Variants in SDK1 observed in about 807,000 individuals in gnomAD.
SDK1 encodes sidekick cell adhesion molecule 1.
SDK1 carries 157 observed loss-of-function variants against 245.5 expected under a neutral mutation model. The observed-to-expected ratio is 0.64, with a 90% CI of 0.56 to 0.73. The LOEUF (loss-of-function observed/expected upper bound fraction) is 0.73, where lower values mean the gene tolerates loss of function less well. Among genes scored for constraint, SDK1 ranks in the 30% least tolerant of loss-of-function variants. SDK1 has a pLI of 0.00. For missense variants in SDK1, 3,583 were observed against 3,002.3 expected, an observed-to-expected ratio of 1.19 and a Z score of -4.52; for synonymous variants, 1,647 against 1,278.5, an observed-to-expected ratio of 1.29 and a Z score of -6.15.
chr7:4,062,135 T>C (rs1039305388), intron 19 of SDK1, among the ~76,000 whole-genome samples: 1 of 151,822 alleles, frequency 6.6e-6, no homozygotes, highest in South Asian at 2.1e-4. Context: ...AGTATAATAA[T>C]AATAATAATA....
intron 4 of SDK1, among the ~76,000 whole-genome samples, chr7:3,766,737 A>C (rs940234621): frequency 6.6e-6 from 1 of 152,230 alleles, no homozygotes; most frequent in Non-Finnish European, 1.5e-5. Flanking sequence ...AGAAATAGGA[A>C]CAAATGATGA....
At chr7:4,032,961 A>G (rs980700378) in intron 17 of SDK1, among the ~76,000 whole-genome samples, 1 of 152,146 alleles carries the variant, frequency 6.6e-6, no homozygotes, top group African/African-American at 2.4e-5. Flanking sequence ...GAGCTAGAAA[A>G]GTTAATTTAA....
chr7:3,405,374 T>A (rs1475607702), intron 1 of SDK1, among the ~76,000 whole-genome samples: 2 of 152,066 alleles, frequency 1.3e-5, no homozygotes, highest in Admixed American at 6.6e-5. Context: ...GAGCACAGAT[T>A]TTAAACACTG....
intron 25 of SDK1, among the ~76,000 whole-genome samples, chr7:4,119,284 TAAA>T (rs1028726204): frequency 8.8e-5 from 13 of 147,316 alleles, no homozygotes; most frequent in African/African-American, 3.0e-4. Flanking sequence ...CTCTACAAAA[TAAA>T]AATAAAAACT....
chr7:3,575,622 A>C (rs567834496), intron 1 of SDK1, among the ~76,000 whole-genome samples: 3 of 152,156 alleles, frequency 2.0e-5, no homozygotes, highest in African/African-American at 7.2e-5. Context: ...AGAAACAATG[A>C]AATTTCATTA....
At chr7:3,478,507 TTAAAAA>T (rs1781413533) in intron 1 of SDK1, among the ~76,000 whole-genome samples, 1 of 152,026 alleles carries the variant, frequency 6.6e-6, no homozygotes, top group Admixed American at 6.5e-5. Flanking sequence ...ATATTCAACT[TTAAAAA>T]TAACTTTATT....
intron 29 of SDK1, 118 bp from the exon 30 acceptor site, chr7:4,149,144 A>C: frequency 2.9e-6 from 2 of 681,358 alleles, no homozygotes; most frequent in South Asian, 3.2e-5. Context: ...TGTCCAAGGC[A>C]TGCAGGCAGC....
chr7:3,349,212 C>G (rs921610443), intron 1 of SDK1, among the ~76,000 whole-genome samples: 3 of 151,748 alleles, frequency 2.0e-5, no homozygotes, highest in Non-Finnish European at 4.4e-5. Context: ...AAAAAAAACA[C>G]AACAAAACAA....
chr7:3,801,685 C>G (rs1486841393), intron 4 of SDK1, among the ~76,000 whole-genome samples: 1 of 152,142 alleles, frequency 6.6e-6, no homozygotes, highest in East Asian at 1.9e-4. Flanking sequence ...GTGGCTGCTC[C>G]CAGCTTGCAT....
At chr7:4,224,315 C>T (rs1562453869) in intron 40 of SDK1, among the ~76,000 whole-genome samples, 1 of 152,202 alleles carries the variant, frequency 6.6e-6, no homozygotes, top group Non-Finnish European at 1.5e-5. Flanking sequence ...ATGGGGAGAC[C>T]CCAGGAAGCT....
intron 1 of SDK1, among the ~76,000 whole-genome samples, chr7:3,385,316 G>T (rs1781583827): frequency 6.6e-6 from 1 of 152,064 alleles, no homozygotes; most frequent in Admixed American, 6.6e-5. Context: ...TCCTGATACA[G>T]GTGAAAGCTT....
intron 1 of SDK1, among the ~76,000 whole-genome samples, chr7:3,324,156 C>A (rs570559551): frequency 6.6e-6 from 1 of 152,192 alleles, no homozygotes; most frequent in Non-Finnish European, 1.5e-5. Context: ...GGGTCAGATT[C>A]ATTTTTCATG....
At chr7:3,468,057 C>G (rs1350252925) in intron 1 of SDK1, among the ~76,000 whole-genome samples, 2 of 151,704 alleles carry the variant, frequency 1.3e-5, no homozygotes, top group African/African-American at 4.8e-5. Context: ...ATATTTATCT[C>G]AGTATTTTAA....
intron 1 of SDK1, among the ~76,000 whole-genome samples, chr7:3,470,625 A>G (rs1035927931): frequency 6.6e-6 from 1 of 152,154 alleles, no homozygotes; most frequent in African/African-American, 2.4e-5. Flanking sequence ...GTATGAAAGG[A>G]CAGGAAACAA....
At chr7:3,723,686 G>A (rs541578392) in intron 4 of SDK1, among the ~76,000 whole-genome samples, 2 of 150,246 alleles carry the variant, frequency 1.3e-5, no homozygotes, top group African/African-American at 4.9e-5. Flanking sequence ...GTGTATACGT[G>A]TATATACACG....
intron 28 of SDK1, among the ~76,000 whole-genome samples, chr7:4,142,443 C>T (rs1779640191): frequency 6.6e-6 from 1 of 152,166 alleles, no homozygotes; most frequent in Non-Finnish European, 1.5e-5. Context: ...ATTCTCCTGC[C>T]TCAGCCTCCT....
intron 1 of SDK1, among the ~76,000 whole-genome samples, chr7:3,544,642 C>G (rs905509463): frequency 2.6e-5 from 4 of 152,244 alleles, no homozygotes; most frequent in Non-Finnish European, 5.9e-5. Context: ...TCATAATCCT[C>G]TTTGTACCAA....
intron 8 of SDK1, among the ~76,000 whole-genome samples, chr7:3,960,300 A>G (rs1781579479): frequency 6.6e-6 from 1 of 152,188 alleles, no homozygotes; most frequent in Non-Finnish European, 1.5e-5. Context: ...TGGGTACCTA[A>G]CTTACCTAGG....
intron 4 of SDK1, among the ~76,000 whole-genome samples, chr7:3,795,698 C>A (rs1165269687): frequency 2.0e-5 from 3 of 152,048 alleles, no homozygotes. Flanking sequence ...AGGACAGATA[C>A]CTGACTTAAA....
Sources: gnomAD v4.1 joint callset for allele counts (sites outside exome capture counted in the v4.1 genomes callset) on GRCh38, gnomAD v4.1.1 for gene constraint, MANE v1.5 for transcripts, NCBI Gene and HGNC (gene_info 2026-07-23, HGNC 2026-07-21) for gene names.